LRBA: variants seen among roughly 807,000 people sequenced by gnomAD.
LRBA encodes LPS responsive beige-like anchor protein, also known as lipopolysaccharide-responsive and beige-like anchor protein.
In LRBA, 176 loss-of-function variants were observed where a neutral mutation model predicts 330.0. The ratio of observed to expected loss-of-function variants is 0.53; its 90% CI spans 0.47 to 0.60. The LOEUF (loss-of-function observed/expected upper bound fraction) is 0.60, where lower values mean the gene tolerates loss of function less well. LRBA is among the 20% of genes least tolerant of loss of function. The pLI is 0.00. For missense variants in LRBA, 3,259 were observed against 3,444.8 expected (o/e 0.95, Z 1.35); for synonymous variants, 1,230 against 1,193.0 (o/e 1.03, Z -0.64).
chr4:150,599,171 C>G (rs1200606559), intron 37 of LRBA, 40 bp from the exon 38 acceptor site: 1 of 1,609,934 alleles, frequency 6.2e-7, no homozygotes, highest in Non-Finnish European at 8.5e-7. Context: ...TAGCAATTAT[C>G]AAACAGCGTG....
Position 150,908,477 on chromosome 4 carries a change from T to G in LRBA, c.1360-10A>C, listed in dbSNP as rs1190576606. Reference sequence around the variant, plus strand: ...AAACTGCCTTTACATCCTTGTAAGATCAAAAACACAGTAAAGAGTTCAATG... The same window carrying G: ...AAACTGCCTTTACATCCTTGTAAGAGCAAAAACACAGTAAAGAGTTCAATG... On this transcript the variant is annotated splice_polypyrimidine_tract_variant and intron_variant, in intron 10 of 56. Transcript: ENST00000651943. 6.3e-7 allele frequency: 1 copy of G among 1,580,906 alleles called. No individual in the cohort carries two copies. The highest frequency in any genetic ancestry group is 2.2e-5 in the East Asian group (1 of 44,618).
In LRBA at chr4:150,268,765, G is replaced by C. The variant is rs536973468; in HGVS notation, c.8469-2953C>G. Among the ~76,000 whole-genome samples, 85 of 152,266 alleles carry C rather than the reference G, an allele frequency of 5.6e-4. 1 individual carries two copies. The highest frequency in any genetic ancestry group is 2.0e-3 in the African/African-American group (85 of 41,564). On this transcript the variant is annotated intron_variant, in intron 56 of 56. Coordinates refer to ENST00000651943, the MANE Select transcript of LRBA (RefSeq NM_001364905.1). ...AGGAAACTACCTCAAATGATAAACA[G>C]CATGTATGAATAACTCACAGCTAAC... is the stretch of plus-strand genomic sequence containing the variant.
rs6841668 is a variant in LRBA at position 150,499,522 on chromosome 4, T to G, written c.6331-8487A>C. The stretch of plus-strand genomic sequence containing the variant: ...GACTGAGGTGGCATGTGCCTGTAGT[T>G]CCGGCTACTCCAGAGGCTGAGGTGG... On this transcript the variant is annotated intron_variant, in intron 40 of 56. Coordinates refer to ENST00000651943, the MANE Select transcript of LRBA (RefSeq NM_001364905.1). Among the ~76,000 whole-genome samples, 641 of 152,166 alleles carry G rather than the reference T, an allele frequency of 4.2e-3. 3 individuals carry two copies. The highest frequency in any genetic ancestry group is 0.015 in the African/African-American group (620 of 41,536).
chr4:150,691,253 C>T lies in LRBA; in HGVS notation c.5755-7536G>A, dbSNP rs142095313. Among the ~76,000 whole-genome samples the T allele has an allele frequency of 3.7e-3, 555 of 151,660 alleles. 1 individual carries two copies. The highest frequency in any genetic ancestry group is 0.012 in the African/African-American group (513 of 41,358). ...CCCAACACCTGCTCTTTAAAAGAAC[C>T]ATTTATAAAATAAAAGGTAAGCCAC... is the stretch of plus-strand genomic sequence containing the variant. On this transcript the variant is annotated intron_variant, in intron 36 of 56. Coordinates refer to ENST00000651943, the MANE Select transcript of LRBA (RefSeq NM_001364905.1).
chr4:150,351,494 C>A (rs1737156213), intron 47 of LRBA, among the ~76,000 whole-genome samples: 1 of 151,994 alleles, frequency 6.6e-6, no homozygotes. Context: ...TCGAGACCAT[C>A]CTGGCTAACA....
intron 42 of LRBA, among the ~76,000 whole-genome samples, chr4:150,476,698 A>G (rs76534250): frequency 0.018 from 2,714 of 152,330 alleles, 85 homozygotes; most frequent in African/African-American, 0.06. Context: ...CCTGAAAACA[A>G]GTGATAGGGT....
chr4:150,637,205 G>A (rs559320091), intron 37 of LRBA, among the ~76,000 whole-genome samples: 47 of 151,726 alleles, frequency 3.1e-4, no homozygotes, highest in African/African-American at 1.1e-3. Context: ...TTTCCACATC[G>A]TGTTACAGTG....
At chr4:150,560,385 A>G (rs970353316) in intron 40 of LRBA, among the ~76,000 whole-genome samples, 4 of 152,148 alleles carry the variant, frequency 2.6e-5, no homozygotes, top group Non-Finnish European at 5.9e-5. Context: ...CTGAGCCAAC[A>G]TTAGTGAAAT....
intron 34 of LRBA, among the ~76,000 whole-genome samples, chr4:150,762,398 C>T (rs972262022): frequency 6.6e-6 from 1 of 151,756 alleles, no homozygotes; most frequent in African/African-American, 2.4e-5. Flanking sequence ...TATAAATCTA[C>T]TAACTATATT....
intron 52 of LRBA, among the ~76,000 whole-genome samples, chr4:150,307,671 A>C (rs948934921): frequency 1.3e-5 from 2 of 152,068 alleles, no homozygotes; most frequent in African/African-American, 4.8e-5. Context: ...ACCTGAGGCC[A>C]GGAGTTTGAG....
intron 13 of LRBA, among the ~76,000 whole-genome samples, chr4:150,902,818 C>G (rs1308866175): frequency 2.6e-5 from 4 of 152,190 alleles, no homozygotes; most frequent in Non-Finnish European, 5.9e-5. Flanking sequence ...AAATCAGAAT[C>G]TGCAGTGGAA....
chr4:150,981,009 C>A (rs1049839996), intron 2 of LRBA, among the ~76,000 whole-genome samples: 1 of 151,922 alleles, frequency 6.6e-6, no homozygotes, highest in Non-Finnish European at 1.5e-5. Context: ...TCCATGTTCA[C>A]GGATTGCAAG....
At chr4:150,327,129 AT>A (rs1234681989) in intron 48 of LRBA, among the ~76,000 whole-genome samples, 2 of 152,178 alleles carry the variant, frequency 1.3e-5, no homozygotes, top group African/African-American at 4.8e-5. Flanking sequence ...AGAACTTTAT[AT>A]CTTTTTGAAG....
chr4:150,337,274 G>A (rs927994868), intron 48 of LRBA, among the ~76,000 whole-genome samples: 8 of 152,104 alleles, frequency 5.3e-5, no homozygotes, highest in Non-Finnish European at 1.0e-4. Flanking sequence ...AAAGTCATCA[G>A]TATAATAGAA....
At chr4:150,298,826 C>T (rs1334028479) in intron 53 of LRBA, among the ~76,000 whole-genome samples, 2 of 152,048 alleles carry the variant, frequency 1.3e-5, no homozygotes, top group Admixed American at 6.6e-5. Context: ...TACTGAAATA[C>T]TACACACACA....
At chr4:150,355,334 C>T (rs934271861) in intron 47 of LRBA, among the ~76,000 whole-genome samples, 1 of 151,804 alleles carries the variant, frequency 6.6e-6, no homozygotes, top group Admixed American at 6.6e-5. Flanking sequence ...GACCAAGAAA[C>T]CTTATTTGTT....
intron 34 of LRBA, among the ~76,000 whole-genome samples, chr4:150,768,084 G>T (rs12649813): frequency 8.6e-6 from 1 of 116,378 alleles, no homozygotes; most frequent in Non-Finnish European, 1.7e-5. Context: ...AAAAAAAAAA[G>T]TTTTTTTTTT....
chr4:150,340,572 C>T (rs972659238), intron 48 of LRBA, among the ~76,000 whole-genome samples: 2 of 152,126 alleles, frequency 1.3e-5, no homozygotes, highest in African/African-American at 4.8e-5. Flanking sequence ...TGGGCCTAAG[C>T]GATCCTCCCA....
intron 47 of LRBA, among the ~76,000 whole-genome samples, chr4:150,354,458 T>C (rs184064629): frequency 5.3e-5 from 8 of 152,208 alleles, no homozygotes; most frequent in African/African-American, 1.7e-4. Context: ...TTGTTAGTAC[T>C]CCCCTAGCAG....
Sources: gnomAD v4.1 joint callset for allele counts (sites outside exome capture counted in the v4.1 genomes callset) on GRCh38, gnomAD v4.1.1 for gene constraint, MANE v1.5 for transcripts, NCBI Gene and HGNC (gene_info 2026-07-23, HGNC 2026-07-21) for gene names.